Variants in XKRX observed in about 807,000 individuals in gnomAD.
The protein encoded by XKRX is XK-related protein 2.
In XKRX, 11 loss-of-function variants were observed where a neutral mutation model predicts 22.4. The ratio of observed to expected loss-of-function variants is 0.49; its 90% CI spans 0.31 to 0.81. The LOEUF (loss-of-function observed/expected upper bound fraction) is 0.81, where lower values mean the gene tolerates loss of function less well. XKRX is among the 40% of genes least tolerant of loss of function. The probability of loss-of-function intolerance (pLI) is 0.05; values close to 1 mark genes in which losing one functional copy is unlikely to be tolerated. For missense variants in XKRX, 320 were observed against 336.5 expected (o/e 0.95, Z 0.38); for synonymous variants, 114 against 132.2 (o/e 0.86, Z 0.94).
At chrX:100,930,624 T>G (rs951391137), upstream of XKRX, among the ~76,000 whole-genome samples, 4 of 111,154 alleles carry the variant, frequency 3.6e-5, no homozygotes, top group African/African-American at 1.3e-4. Context: ...TCCTTTCCAT[T>G]TCATGAAGGA....
chrX:100,897,509 G>A, the XKRX span, among the ~76,000 whole-genome samples: 100 of 104,855 alleles, frequency 9.5e-4, no homozygotes, highest in Admixed American at 6.4e-3. Context: ...CGCTTGAACC[G>A]GGGAGGTGGA....
upstream of XKRX, among the ~76,000 whole-genome samples, chrX:100,930,399 G>C (rs2085517753): frequency 9.1e-6 from 1 of 110,079 alleles, no homozygotes; most frequent in South Asian, 3.9e-4. Flanking sequence ...TCTATGTGAG[G>C]AGTGGCCAAG....
chrX:100,915,698 G>GTC (rs145344899), intron 2 of XKRX, among the ~76,000 whole-genome samples: 1 of 103,193 alleles, frequency 9.7e-6, no homozygotes, highest in East Asian at 3.0e-4. Context: ...CTGTGTGTGT[G>GTC]TGTGTGTGTG....
At chrX:100,895,713 T>C in the XKRX span, among the ~76,000 whole-genome samples, 34 of 112,043 alleles carry the variant, frequency 3.0e-4, no homozygotes, top group South Asian at 0.013. Context: ...AAGCAAGCAC[T>C]TCAGAGAAGC....
chrX:100,894,741 T>G, the XKRX span, among the ~76,000 whole-genome samples: 1 of 112,192 alleles, frequency 8.9e-6, no homozygotes, highest in Non-Finnish European at 1.9e-5. Flanking sequence ...CAAAGTGCTG[T>G]AACTACAGGC....
At chrX:100,927,847 G>T in intron 1 of XKRX, 123 bp downstream of exon 1, 1 of 890,648 alleles carries the variant, frequency 1.1e-6, no homozygotes, top group Non-Finnish European at 1.5e-6. Context: ...GGGAAGCCGA[G>T]AGTGGGAGGA....
At chrX:100,921,959 G>C (rs893493836) in intron 2 of XKRX, among the ~76,000 whole-genome samples, 1 of 102,075 alleles carries the variant, frequency 9.8e-6, no homozygotes, top group African/African-American at 3.6e-5. Flanking sequence ...TCAGCCTCCC[G>C]AGTAGCTAGG....
chrX:100,893,066 T>A, the XKRX span, among the ~76,000 whole-genome samples: 1 of 112,145 alleles, frequency 8.9e-6, no homozygotes, highest in Non-Finnish European at 1.9e-5. Flanking sequence ...CTAAGTGAAA[T>A]AAGCCAGGCA....
At chrX:100,906,602 G>A in the XKRX span, among the ~76,000 whole-genome samples, 1 of 112,009 alleles carries the variant, frequency 8.9e-6, no homozygotes, top group African/African-American at 3.2e-5. Flanking sequence ...TGACATTAAA[G>A]CATCAAGTAG....
the XKRX span, among the ~76,000 whole-genome samples, chrX:100,950,175 A>G: frequency 8.9e-6 from 1 of 111,852 alleles, no homozygotes; most frequent in Non-Finnish European, 1.9e-5. Context: ...CAGCAGAAAA[A>G]TAGAAAGACT....
At chrX:100,945,289 C>CACACACAT in the XKRX span, among the ~76,000 whole-genome samples, 2,954 of 98,507 alleles carry the variant, frequency 0.03, 104 homozygotes, top group East Asian at 0.089. Flanking sequence ...CACACACACA[C>CACACACAT]AGTTTATTTT....
chrX:100,932,689 G>A (rs2085524792), upstream of XKRX, among the ~76,000 whole-genome samples: 1 of 112,272 alleles, frequency 8.9e-6, no homozygotes, highest in African/African-American at 3.2e-5. Flanking sequence ...ATGTGTAAGA[G>A]GTGCGTGGCA....
chrX:100,912,834 G>C (rs965604994), downstream of XKRX, among the ~76,000 whole-genome samples: 1 of 111,858 alleles, frequency 8.9e-6, no homozygotes, highest in African/African-American at 3.2e-5. Flanking sequence ...AGGAGAAAAG[G>C]AGACATGCAT....
At chrX:100,919,368 C>T (rs2085460776) in intron 2 of XKRX, among the ~76,000 whole-genome samples, 1 of 111,689 alleles carries the variant, frequency 9.0e-6, no homozygotes, top group Non-Finnish European at 1.9e-5. Flanking sequence ...AAATGTAATA[C>T]TTCAGAATGC....
the XKRX span, among the ~76,000 whole-genome samples, chrX:100,936,898 C>T: frequency 9.2e-6 from 1 of 108,572 alleles, no homozygotes; most frequent in Non-Finnish European, 1.9e-5. Context: ...AATTACAATT[C>T]GAGATAAGAT....
At chrX:100,905,657 T>C in the XKRX span, among the ~76,000 whole-genome samples, 1 of 112,210 alleles carries the variant, frequency 8.9e-6, no homozygotes, top group Non-Finnish European at 1.9e-5. Context: ...GGATCATTGT[T>C]AACATATGAT....
At chrX:100,923,802 A>C (rs1213307681) in intron 1 of XKRX, among the ~76,000 whole-genome samples, 1 of 108,638 alleles carries the variant, frequency 9.2e-6, no homozygotes, top group African/African-American at 3.3e-5. Context: ...TCCATAACCA[A>C]AGTTTTAGAT....
the XKRX span, chrX:100,957,411 A>G: frequency 1.7e-6 from 2 of 1,204,791 alleles, no homozygotes; most frequent in Non-Finnish European, 2.2e-6. Flanking sequence ...GCAGTACCGC[A>G]TGTGCATCCA....
Position 100,913,556 on chromosome X carries a change from G to A in XKRX, c.*782C>T, listed in dbSNP as rs969517277. 1.8e-5 allele frequency: 2 copies of A among 112,440 alleles called. No homozygotes were observed. Among genetic ancestry groups the A allele is most frequent in the African/African-American group, 6.5e-5 (2 of 30,899 alleles). 9.3% of individuals were successfully genotyped at this position (112,440 alleles called of 1,213,427 possible). A position where few individuals can be genotyped will look rare whatever the true frequency, so the allele number is the denominator to read the frequency against. Reference sequence around the variant, plus strand: ...AATACCAAGAGCACAGAAAAGCTGGGTTGGAGGAAATCTCTGCTAATGAGG... The same window carrying A: ...AATACCAAGAGCACAGAAAAGCTGGATTGGAGGAAATCTCTGCTAATGAGG... On this transcript the variant is annotated 3_prime_UTR_variant, in exon 3 of 3. Coordinates refer to ENST00000372956, the MANE Select transcript of XKRX (RefSeq NM_212559.3).
Sources: allele counts gnomAD v4.1 joint callset (sites outside exome capture counted in the v4.1 genomes callset), GRCh38; gene constraint gnomAD v4.1.1; transcripts MANE v1.5; gene names NCBI Gene and HGNC (gene_info 2026-07-23, HGNC 2026-07-21).